DROSHA: variants seen among roughly 807,000 people sequenced by gnomAD.
DROSHA encodes the protein ribonuclease 3.
DROSHA carries 56 observed loss-of-function variants against 181.9 expected under a neutral mutation model. That is an observed-to-expected ratio of 0.31 (90% CI 0.25 to 0.38). The LOEUF (loss-of-function observed/expected upper bound fraction) is 0.38. DROSHA is among the 10% of genes least tolerant of loss of function. The pLI, the probability that DROSHA is intolerant of heterozygous loss-of-function variation, is 1.00. For synonymous variants in DROSHA, 524 were observed against 591.2 expected (o/e 0.89, Z 1.65); for missense variants, 1,218 against 1,743.5 (o/e 0.70, Z 5.37).
intron 35 of DROSHA, among the ~76,000 whole-genome samples, chr5:31,403,388 T>C (rs1740260031): frequency 6.6e-6 from 1 of 152,148 alleles, no homozygotes; most frequent in South Asian, 2.1e-4. Flanking sequence ...ATATATGCAA[T>C]GTAAATGTGT....
At chr5:31,511,731 C>T (rs908945716) in intron 8 of DROSHA, among the ~76,000 whole-genome samples, 8 of 150,252 alleles carry the variant, frequency 5.3e-5, no homozygotes, top group Admixed American at 4.6e-4. Context: ...AACATTAGAA[C>T]AGTTCATCTA....
chr5:31,452,276 C>T (rs1204047608), intron 20 of DROSHA, among the ~76,000 whole-genome samples: 1 of 152,114 alleles, frequency 6.6e-6, no homozygotes, highest in East Asian at 1.9e-4. Context: ...TTCACAAACC[C>T]CTAAAGCCCA....
At chr5:31,402,473 A>C (rs1464752498) in intron 35 of DROSHA, among the ~76,000 whole-genome samples, 2 of 152,106 alleles carry the variant, frequency 1.3e-5, no homozygotes, top group Non-Finnish European at 2.9e-5. Context: ...AATTTTATTT[A>C]ATTATTGTTA....
At chr5:31,489,350 C>A (rs1752127475) in intron 13 of DROSHA, among the ~76,000 whole-genome samples, 2 of 152,192 alleles carry the variant, frequency 1.3e-5, no homozygotes, top group African/African-American at 2.4e-5. Flanking sequence ...AAAATCACTT[C>A]TTGGAATTCC....
chr5:31,493,937 T>TTG (rs67311624), intron 12 of DROSHA, among the ~76,000 whole-genome samples: 1,989 of 144,718 alleles, frequency 0.014, 47 homozygotes, highest in African/African-American at 0.045. Flanking sequence ...TAACCCACCA[T>TTG]TGTGTGTGTG....
intron 17 of DROSHA, among the ~76,000 whole-genome samples, chr5:31,471,404 T>C (rs957051197): frequency 2.0e-5 from 3 of 152,176 alleles, no homozygotes; most frequent in Non-Finnish European, 2.9e-5. Flanking sequence ...AAAAAATTGA[T>C]ATAAAGAAAA....
rs563861794 is a variant in DROSHA at position 31,495,389 on chromosome 5, G to T, written c.1669-17C>A. On this transcript the variant is annotated splice_polypyrimidine_tract_variant and intron_variant, in intron 11 of 35. Coordinates refer to ENST00000344624, the MANE Select transcript of DROSHA (RefSeq NM_001382508.1). ...CTTGATGGCCTGAGGGGAAAAAAAC[G>T]AAAATCAGTTTACAAGTAAAGCAAG... The T allele has an allele frequency of 6.2e-7, 1 of 1,608,034 alleles. No individual in the cohort carries two copies. The highest frequency in any genetic ancestry group is 8.5e-7 in the Non-Finnish European group (1 of 1,176,714).
At chr5:31,447,322 C>G (rs185852512) in intron 23 of DROSHA, among the ~76,000 whole-genome samples, 6 of 152,246 alleles carry the variant, frequency 3.9e-5, no homozygotes, top group African/African-American at 1.4e-4. Flanking sequence ...ATCTGTACAA[C>G]AAACCCCCAT....
rs370209138 is a variant in DROSHA, at chr5:31,503,646, G to C, written c.1668+909C>G. 2.6e-4 allele frequency among the ~76,000 whole-genome samples: 39 copies of C among 152,282 alleles called. No individual in the cohort carries two copies. In the East Asian group the frequency reaches 3.5e-3, roughly 14 times the overall value. The stretch of plus-strand genomic sequence containing the variant: ...AATTCTGACAAGCCAGGCCTGATCA[G>C]ACCCACATCACAGGTGAATAGTTCC... On this transcript the variant is annotated intron_variant, in intron 11 of 35. Coordinates refer to ENST00000344624, the MANE Select transcript of DROSHA (RefSeq NM_001382508.1).
At chr5:31,493,734 C>T (rs1752646290) in intron 12 of DROSHA, among the ~76,000 whole-genome samples, 1 of 152,132 alleles carries the variant, frequency 6.6e-6, no homozygotes, top group Admixed American at 6.6e-5. Flanking sequence ...CTCTCAAAGG[C>T]CTCTTGGTGC....
intron 5 of DROSHA, among the ~76,000 whole-genome samples, chr5:31,524,157 C>T (rs1210213209): frequency 6.6e-6 from 1 of 152,148 alleles, no homozygotes; most frequent in African/African-American, 2.4e-5. Context: ...GTAACACATT[C>T]CCTTCTATCT....
At chr5:31,475,159 A>T (rs1750221967) in intron 16 of DROSHA, among the ~76,000 whole-genome samples, 1 of 152,046 alleles carries the variant, frequency 6.6e-6, no homozygotes, top group Admixed American at 6.5e-5. Context: ...TCTACAAAAA[A>T]ATACAAAAAT....
Position 31,497,348 on chromosome 5 carries a change from C to T in DROSHA, c.1669-1976G>A, listed in dbSNP as rs78443074. 2.7e-3 allele frequency among the ~76,000 whole-genome samples: 406 copies of T among 152,236 alleles called. 13 individuals are homozygous for T. In the East Asian group the frequency reaches 0.042, roughly 16 times the overall value. ...CTTCCTGGCCTATGGTGTCACAATC[C>T]CAGGATCCTTCAGGCCAAGATGCTC... On this transcript the variant is annotated intron_variant, in intron 11 of 35. Coordinates refer to ENST00000344624, the MANE Select transcript of DROSHA (RefSeq NM_001382508.1).
intron 35 of DROSHA, among the ~76,000 whole-genome samples, chr5:31,403,192 C>A (rs1740237874): frequency 6.6e-6 from 1 of 152,184 alleles, no homozygotes; most frequent in African/African-American, 2.4e-5. Flanking sequence ...AATATAACTA[C>A]TTTTTTCAAA....
intron 31 of DROSHA, 46 bp downstream of exon 31, chr5:31,410,700 T>G (rs1741204152): frequency 5.7e-6 from 9 of 1,588,560 alleles, no homozygotes; most frequent in Admixed American, 5.4e-5. Flanking sequence ...TTACTTGGAC[T>G]TAAACTCTGA....
At chr5:31,516,916 T>G (rs1739329559) in intron 6 of DROSHA, among the ~76,000 whole-genome samples, 1 of 152,218 alleles carries the variant, frequency 6.6e-6, no homozygotes, top group South Asian at 2.1e-4. Flanking sequence ...CACATTTGTG[T>G]TCTTTGCACA....
At chr5:31,509,377 C>A (rs1001560957) in intron 9 of DROSHA, among the ~76,000 whole-genome samples, 1 of 151,966 alleles carries the variant, frequency 6.6e-6, no homozygotes, top group Non-Finnish European at 1.5e-5. Context: ...AGTAGTAGTA[C>A]GTAGTTTAAC....
intron 11 of DROSHA, among the ~76,000 whole-genome samples, chr5:31,499,755 G>C (rs1182499508): frequency 6.6e-6 from 1 of 152,174 alleles, no homozygotes; most frequent in Non-Finnish European, 1.5e-5. Flanking sequence ...GATGGGGTAA[G>C]AATCTGCCTT....
chr5:31,517,775 G>T (rs1287954930), intron 6 of DROSHA, among the ~76,000 whole-genome samples: 1 of 152,062 alleles, frequency 6.6e-6, no homozygotes, highest in African/African-American at 2.4e-5. Context: ...CCTAAAGCCA[G>T]TACTTAGGGT....
Sources: allele counts gnomAD v4.1 joint callset (sites outside exome capture counted in the v4.1 genomes callset), GRCh38; gene constraint gnomAD v4.1.1; transcripts MANE v1.5; gene names NCBI Gene and HGNC (gene_info 2026-07-23, HGNC 2026-07-21).